CHRNA6: variants seen among roughly 807,000 people sequenced by gnomAD.
CHRNA6 encodes the protein cholinergic receptor nicotinic alpha 6 subunit.
A neutral mutation model predicts 40.9 loss-of-function variants in CHRNA6; 31 were observed. The ratio of observed to expected loss-of-function variants is 0.76; its 90% CI spans 0.57 to 1.02. The LOEUF (loss-of-function observed/expected upper bound fraction) is 1.02. Among genes scored for constraint, CHRNA6 ranks in the 50% least tolerant of loss-of-function variants. CHRNA6 has a pLI of 0.00. For synonymous variants in CHRNA6, 222 were observed against 221.3 expected, an observed-to-expected ratio of 1.00 and a Z score of -0.03; for missense variants, 546 against 596.6, an observed-to-expected ratio of 0.92 and a Z score of 0.88.
At position 42,764,769 on chromosome 8, in the gene CHRNA6, C is replaced by T. The variant is rs1303029858; in HGVS notation, c.219+296G>A. 2.0e-5 allele frequency among the ~76,000 whole-genome samples: 3 copies of T among 152,156 alleles called. No homozygotes were observed. In the East Asian group the frequency reaches 5.8e-4, roughly 29 times the overall value. ...CTCAGCAGTGAGATGAAGATGTTGG[C>T]CACACAGTGTAAACAGGCGTCTGGT... is the stretch of plus-strand genomic sequence containing the variant. On this transcript the variant is annotated intron_variant, in intron 2 of 5. Transcript: ENST00000276410.
chr8:42,757,651 T>C (rs1252955454), intron 3 of CHRNA6, among the ~76,000 whole-genome samples: 1 of 147,576 alleles, frequency 6.8e-6, no homozygotes, highest in Non-Finnish European at 1.5e-5. Flanking sequence ...GAGAATGGCA[T>C]GAACCCAGGA....
chr8:42,761,078 C>A (rs1032369466), intron 2 of CHRNA6, among the ~76,000 whole-genome samples: 8 of 152,162 alleles, frequency 5.3e-5, no homozygotes, highest in Non-Finnish European at 7.4e-5. Flanking sequence ...GGCTGCCCTG[C>A]AGTTCTCTTC....
chr8:42,756,998 A>G lies in CHRNA6; in HGVS notation c.304T>C (p.Tyr102His). The stretch of plus-strand genomic sequence containing the variant: ...ACGCGAAGAGTCTCAATGCCATCAT[A>G]TTCCATTGGATCCCAGCGCAATTTA... The part of the protein sequence containing the change: ...DYKLRWDPME[Y>H]DGIETLRVPA... The change falls in exon 4 of 6, where the codon TAT (tyrosine) becomes CAT (histidine). Residue 102 changes from tyrosine (Y) to histidine (H), a missense_variant. Physicochemically the swap from Tyr to His is moderately conservative, Grantham distance 83. This residue lies in a region of CHRNA6 where 476 missense variants were observed against 494.5 expected (regional missense o/e 0.96). Coordinates refer to ENST00000276410, the MANE Select transcript of CHRNA6 (RefSeq NM_004198.3). 1 of 1,613,618 alleles carries G rather than the reference A, an allele frequency of 6.2e-7. No individual in the cohort carries two copies. The highest frequency in any genetic ancestry group is 8.5e-7 in the Non-Finnish European group (1 of 1,179,472).
In CHRNA6 at chr8:42,756,607, T is replaced by G. The variant is rs1185963813; in HGVS notation, c.592A>C (p.Asn198His). The G allele has an allele frequency of 6.2e-7, 1 of 1,614,152 alleles. No individual in the cohort carries two copies. The highest frequency in any genetic ancestry group is 1.1e-5 in the South Asian group (1 of 91,082). ...CATTCACTGTTTTCCCAAAAATCAT[T>G]CATATCCACTTTTGATCCAATGATT... Reference protein sequence around the residue: ...LLIIGSKVDMNDFWENSEWEI... With the variant: ...LLIIGSKVDMHDFWENSEWEI... Residue 198 changes from asparagine (N) to histidine (H), a missense_variant, in exon 5 of 6, where the codon AAT (asparagine) becomes CAT (histidine). Around this residue, in one of 3 missense-constraint regions of CHRNA6, gnomAD observed 476 missense variants for 494.5 expected, o/e 0.96. Coordinates refer to ENST00000276410, the MANE Select transcript of CHRNA6 (RefSeq NM_004198.3).
chr8:42,768,328 AG>A lies in CHRNA6; in HGVS notation c.79+23del, dbSNP rs371777471. The A allele has an allele frequency of 3.8e-4, 597 of 1,580,242 alleles. 3 individuals are homozygous for A. In the East Asian group the frequency reaches 0.011, roughly 29 times the overall value. ...CACATGTAGCTAAAAAGGGAATAGA[AG>A]ATAAAGCAGAAATGAAACCTACCTT... On this transcript the variant is annotated intron_variant, in intron 1 of 5. Transcript: ENST00000276410.
chr8:42,768,147 T>C (rs370228674), intron 1 of CHRNA6, among the ~76,000 whole-genome samples: 6 of 152,168 alleles, frequency 3.9e-5, no homozygotes, highest in African/African-American at 1.2e-4. Context: ...GGTCCTCTCC[T>C]CCCCACCCTA....
At chr8:42,759,848 G>A (rs553346233) in intron 2 of CHRNA6, among the ~76,000 whole-genome samples, 14 of 150,674 alleles carry the variant, frequency 9.3e-5, no homozygotes, top group East Asian at 1.9e-4. Flanking sequence ...TGCAGTGAGC[G>A]GAGATCGTGC....
rs770029836 is a variant in CHRNA6 at position 42,756,725 on chromosome 8, G to A, written c.474C>T (p.Cys158=). ...WTPPAIFKSS[C]PMDITFFPFD... Reference sequence around the variant, plus strand: ...AAGGGAAAAAGGTGATATCCATAGGGCAGGAACTCTTAAAAATAGCTGGTG... The same window carrying A: ...AAGGGAAAAAGGTGATATCCATAGGACAGGAACTCTTAAAAATAGCTGGTG... Residue 158 remains cysteine (C), a synonymous_variant, in exon 5 of 6, where the codon TGC becomes TGT. Coordinates refer to ENST00000276410, the MANE Select transcript of CHRNA6 (RefSeq NM_004198.3). 2.5e-6 allele frequency: 4 copies of A among 1,613,918 alleles called. No individual in the cohort carries two copies. The Admixed American group carries it at 6.7e-5, about 27-fold the overall frequency.
rs754680456 is a variant in CHRNA6 at position 42,765,206 on chromosome 8, T to C, written c.80-2A>G. 9 of 1,613,094 alleles carry C rather than the reference T, an allele frequency of 5.6e-6. No individual in the cohort carries two copies. In the East Asian group the frequency reaches 2.0e-4, roughly 36 times the overall value. ...CCTCAGTTGCACAGCCCACACAGCC[T>C]GTGAGGCCAAACAAAGGGGAGAGTT... is the stretch of plus-strand genomic sequence containing the variant. On this transcript the variant is annotated splice_acceptor_variant, in intron 1 of 5. Coordinates refer to ENST00000276410, the MANE Select transcript of CHRNA6 (RefSeq NM_004198.3). LOFTEE classifies it high-confidence loss of function.
chr8:42,758,034 C>CA (rs1035815536), intron 3 of CHRNA6, among the ~76,000 whole-genome samples: 37 of 140,466 alleles, frequency 2.6e-4, no homozygotes, highest in African/African-American at 8.2e-4. Context: ...GACTCCGTCT[C>CA]AAAAAAAACC....
Position 42,753,063 on chromosome 8 carries a change from T to G in CHRNA6, c.*116A>C. ...AAAGTCCTCTTTTTCCATGTAGCCA[T>G]CAGTTTTAGCAGATGGGGGACTTGG... On this transcript the variant is annotated 3_prime_UTR_variant, in exon 6 of 6. Transcript: ENST00000276410. 1 of 893,622 alleles carries G rather than the reference T, an allele frequency of 1.1e-6. No individual in the cohort carries two copies. Among genetic ancestry groups the G allele is most frequent in the Non-Finnish European group, 1.7e-6 (1 of 585,202 alleles). The allele number at this position is 893,622 out of a possible 1,614,324, so 55.4% of individuals were successfully genotyped here. A position where few individuals can be genotyped will look rare whatever the true frequency, so the allele number is the denominator to read the frequency against.
chr8:42,761,590 A>G (rs1340580604), intron 2 of CHRNA6, among the ~76,000 whole-genome samples: 1 of 152,238 alleles, frequency 6.6e-6, no homozygotes, highest in Non-Finnish European at 1.5e-5. Context: ...GGTGGTATGG[A>G]CATGGCCCAT....
At chr8:42,754,253 C>T (rs551316656) in intron 5 of CHRNA6, among the ~76,000 whole-genome samples, 1 of 152,224 alleles carries the variant, frequency 6.6e-6, no homozygotes, top group South Asian at 2.1e-4. Flanking sequence ...GATTGTGGCT[C>T]ACTGGAACTT....
At chr8:42,765,688 G>T (rs1816966923) in intron 1 of CHRNA6, among the ~76,000 whole-genome samples, 1 of 152,156 alleles carries the variant, frequency 6.6e-6, no homozygotes, top group Non-Finnish European at 1.5e-5. Context: ...ACTTCACTAA[G>T]GAAACTGAAA....
At position 42,756,627 on chromosome 8, in the gene CHRNA6, A is replaced by G. The variant is rs199955670; in HGVS notation, c.572T>C (p.Ile191Thr). ...YDKAEIDLLI[I>T]GSKVDMNDFW... ...ATCATTCATATCCACTTTTGATCCA[A>G]TGATTAGAAGATCAATTTCAGCTTT... The change falls in exon 5 of 6, where the codon ATT becomes ACT. Residue 191 changes from isoleucine (I) to threonine (T), a missense_variant. Coordinates refer to ENST00000276410, the MANE Select transcript of CHRNA6 (RefSeq NM_004198.3). The G allele has an allele frequency of 8.7e-6, 14 of 1,613,954 alleles. No homozygotes were observed. Among genetic ancestry groups the G allele is most frequent in the South Asian group, 3.3e-5 (3 of 91,070 alleles).
At chr8:42,757,992 G>A (rs1179932472) in intron 3 of CHRNA6, among the ~76,000 whole-genome samples, 1 of 151,640 alleles carries the variant, frequency 6.6e-6, no homozygotes, top group Non-Finnish European at 1.5e-5. Context: ...CCGAGATCGC[G>A]CCACTGGACT....
At chr8:42,767,227 A>T (rs1816987350) in intron 1 of CHRNA6, among the ~76,000 whole-genome samples, 1 of 152,222 alleles carries the variant, frequency 6.6e-6, no homozygotes, top group Non-Finnish European at 1.5e-5. Context: ...TCTGCCTCCC[A>T]AAGTGCTGGG....
At chr8:42,761,018 G>C (rs1013670957) in intron 2 of CHRNA6, among the ~76,000 whole-genome samples, 2 of 152,192 alleles carry the variant, frequency 1.3e-5, no homozygotes, top group Non-Finnish European at 2.9e-5. Flanking sequence ...CATGGTGGTG[G>C]CTGAGGGAGT....
At chr8:42,765,347 G>A in intron 1 of CHRNA6, 143 bp from the exon 2 acceptor site, 1 of 838,900 alleles carries the variant, frequency 1.2e-6, no homozygotes, top group East Asian at 2.6e-5. Context: ...ACCTGTGCGT[G>A]CTCCACCAGT....
Sources: gnomAD v4.1 joint callset for allele counts (sites outside exome capture counted in the v4.1 genomes callset) on GRCh38, gnomAD v4.1.1 for gene constraint, gnomAD v4.1.1 regional missense constraint, MANE v1.5 for transcripts, NCBI Gene and HGNC (gene_info 2026-07-23, HGNC 2026-07-21) for gene names.